Variants in TTC29 observed in about 807,000 individuals in gnomAD.
The protein encoded by TTC29 is tetratricopeptide repeat domain 29.
A neutral mutation model predicts 58.1 loss-of-function variants in TTC29; 49 were observed. The observed-to-expected ratio is 0.84, with a 90% CI of 0.67 to 1.07. TTC29 has a LOEUF of 1.07. Ranked by LOEUF, TTC29 falls within the 50% of genes least tolerant of loss-of-function variation. The pLI, the probability that TTC29 is intolerant of heterozygous loss-of-function variation, is 0.00. For synonymous variants in TTC29, 209 were observed against 196.8 expected (o/e 1.06, Z -0.52); for missense variants, 582 against 555.6 (o/e 1.05, Z -0.48).
At chr4:146,933,920 T>G in intron 4 of TTC29, 1 of 152,120 alleles carries the variant, frequency 6.6e-6, no homozygotes, top group East Asian at 1.9e-4. Flanking sequence ...TACATTGTAT[T>G]ATGAGGTCAA....
chr4:146,935,542 C>T lies in TTC29; in HGVS notation c.176+2052G>A, dbSNP rs114259652. ...ATGCAACCAGACAGGGAGCCAAACTCAAAATCTATTTTCCTTGAGAAGTTC... is the reference window on the plus strand; with the variant it reads ...ATGCAACCAGACAGGGAGCCAAACTTAAAATCTATTTTCCTTGAGAAGTTC... On this transcript the variant is annotated intron_variant, in intron 4 of 12. Coordinates refer to ENST00000325106, the MANE Select transcript of TTC29 (RefSeq NM_031956.4). Among the ~76,000 whole-genome samples, 610 of 152,274 alleles carry T rather than the reference C, an allele frequency of 4.0e-3. 5 individuals carry two copies. The highest frequency in any genetic ancestry group is 0.013 in the African/African-American group (555 of 41,564).
At chr4:146,764,976 T>G (rs1469934324) in intron 11 of TTC29, among the ~76,000 whole-genome samples, 1 of 152,152 alleles carries the variant, frequency 6.6e-6, no homozygotes, top group Non-Finnish European at 1.5e-5. Context: ...ATGTACAGCC[T>G]TGTTAACTTT....
chr4:146,745,213 A>G (rs1745454759), intron 11 of TTC29, among the ~76,000 whole-genome samples: 1 of 152,222 alleles, frequency 6.6e-6, no homozygotes, highest in Non-Finnish European at 1.5e-5. Context: ...GTCGAGCAAG[A>G]GCCTAGAGGA....
At chr4:146,738,932 G>T (rs184283411) in intron 11 of TTC29, among the ~76,000 whole-genome samples, 2 of 152,116 alleles carry the variant, frequency 1.3e-5, no homozygotes, top group Non-Finnish European at 2.9e-5. Context: ...CCCTTACCCC[G>T]TGCCTTACCC....
intron 9 of TTC29, among the ~76,000 whole-genome samples, chr4:146,822,744 C>G (rs1237660137): frequency 6.6e-6 from 1 of 152,186 alleles, no homozygotes; most frequent in Admixed American, 6.5e-5. Context: ...GTTCCTATTT[C>G]TCCACAGCCT....
intron 6 of TTC29, among the ~76,000 whole-genome samples, chr4:146,893,349 C>G (rs911338006): frequency 3.9e-5 from 6 of 152,112 alleles, no homozygotes; most frequent in Admixed American, 3.9e-4. Flanking sequence ...ACCAATGGAA[C>G]AGAACAGAGC....
At chr4:146,793,509 C>G (rs1749617556) in intron 11 of TTC29, among the ~76,000 whole-genome samples, 6 of 151,980 alleles carry the variant, frequency 3.9e-5, no homozygotes, top group Admixed American at 3.9e-4. Flanking sequence ...TATTGCACAC[C>G]TAACAGACTA....
intron 11 of TTC29, among the ~76,000 whole-genome samples, chr4:146,711,621 T>C (rs776559728): frequency 1.7e-4 from 26 of 152,292 alleles, no homozygotes; most frequent in African/African-American, 6.0e-4. Context: ...GTATAAACTA[T>C]GCTCCTATCT....
chr4:146,727,658 T>G (rs192140932), intron 11 of TTC29, among the ~76,000 whole-genome samples: 2 of 152,328 alleles, frequency 1.3e-5, no homozygotes, highest in East Asian at 3.9e-4. Flanking sequence ...TCCATATCTT[T>G]TCATAGGTTG....
chr4:146,764,459 A>G (rs1747140122), intron 11 of TTC29, among the ~76,000 whole-genome samples: 1 of 152,032 alleles, frequency 6.6e-6, no homozygotes, highest in African/African-American at 2.4e-5. Context: ...TATCACCTCA[A>G]TAAGTAATGT....
intron 11 of TTC29, among the ~76,000 whole-genome samples, chr4:146,765,492 C>T (rs547187732): frequency 7.2e-5 from 11 of 152,240 alleles, no homozygotes; most frequent in South Asian, 2.1e-4. Context: ...CGAGCCAACG[C>T]GCTCAGCCCC....
chr4:146,785,639 C>G (rs568399238), intron 11 of TTC29, among the ~76,000 whole-genome samples: 1 of 152,242 alleles, frequency 6.6e-6, no homozygotes, highest in African/African-American at 2.4e-5. Flanking sequence ...AAATCTCAAC[C>G]TTTACTCATG....
chr4:146,712,993 T>A (rs995689284), intron 11 of TTC29, among the ~76,000 whole-genome samples: 2 of 152,132 alleles, frequency 1.3e-5, no homozygotes, highest in African/African-American at 4.8e-5. Context: ...ACCTCTCATC[T>A]GCTGGTGACT....
chr4:146,940,028 G>A (rs961262013), intron 2 of TTC29, 127 bp from the exon 3 acceptor site: 4 of 810,224 alleles, frequency 4.9e-6, no homozygotes, highest in South Asian at 3.0e-5. Flanking sequence ...TGCTACAGCT[G>A]TGTTATTCGG....
At chr4:146,794,644 G>T (rs1274108604) in intron 11 of TTC29, among the ~76,000 whole-genome samples, 1 of 151,936 alleles carries the variant, frequency 6.6e-6, no homozygotes, top group Non-Finnish European at 1.5e-5. Flanking sequence ...AAAAATATGT[G>T]GAAACTGGAA....
chr4:146,868,475 T>C (rs1730712334), intron 7 of TTC29, among the ~76,000 whole-genome samples: 1 of 152,172 alleles, frequency 6.6e-6, no homozygotes, highest in South Asian at 2.1e-4. Context: ...AACACTTTTC[T>C]TTACTAATCA....
intron 5 of TTC29, among the ~76,000 whole-genome samples, chr4:146,905,737 T>A (rs1560704766): frequency 6.6e-6 from 1 of 152,164 alleles, no homozygotes; most frequent in Non-Finnish European, 1.5e-5. Context: ...TACAATAAAA[T>A]AAATTTGGGA....
chr4:146,737,189 G>C (rs964561683), intron 11 of TTC29, among the ~76,000 whole-genome samples: 2 of 152,102 alleles, frequency 1.3e-5, no homozygotes, highest in Non-Finnish European at 2.9e-5. Context: ...ATTAGCTCAG[G>C]CAAGAGGGCA....
At chr4:146,852,860 C>A (rs181287459) in intron 8 of TTC29, among the ~76,000 whole-genome samples, 4 of 152,200 alleles carry the variant, frequency 2.6e-5, no homozygotes, top group South Asian at 2.1e-4. Flanking sequence ...GGAATCTATA[C>A]GGCTGTATTT....
Sources: allele counts gnomAD v4.1 joint callset (sites outside exome capture counted in the v4.1 genomes callset), GRCh38; gene constraint gnomAD v4.1.1; transcripts MANE v1.5; gene names NCBI Gene and HGNC (gene_info 2026-07-23, HGNC 2026-07-21).